Variants in ACIN1 observed in about 807,000 individuals in gnomAD.
The protein encoded by ACIN1 is apoptotic chromatin condensation inducer 1.
Under a neutral mutation model 146.6 loss-of-function variants are expected in ACIN1, and 16 were observed. The ratio of observed to expected loss-of-function variants is 0.11; its 90% confidence interval spans 0.07 to 0.17. The LOEUF is 0.17. ACIN1 is among the 10% of genes least tolerant of loss of function. The pLI, the probability that ACIN1 is intolerant of heterozygous loss-of-function variation, is 1.00. For synonymous variants in ACIN1, 569 were observed against 582.7 expected (o/e 0.98, Z 0.34); for missense variants, 1,357 against 1,609.3 (o/e 0.84, Z 2.68).
Position 23,061,294 on chromosome 14 carries a change from C to T in ACIN1, c.3424+4G>A, listed in dbSNP as rs930201027. The T allele has an allele frequency of 6.2e-7, 1 of 1,613,616 alleles. No individual in the cohort carries two copies. Among genetic ancestry groups the T allele is most frequent in the African/African-American group, 1.3e-5 (1 of 74,890 alleles). Reference sequence around the variant, plus strand: ...GTATGCGTACCCCATAGCTAAGTACCTACCTTTCTTCTCACTCTTCTTTTC... The same window carrying T: ...GTATGCGTACCCCATAGCTAAGTACTTACCTTTCTTCTCACTCTTCTTTTC... On this transcript the variant is annotated splice_donor_region_variant and intron_variant, in intron 17 of 18. Transcript: ENST00000605057.
chr14:23,085,232 T>G (rs149002355), intron 4 of ACIN1, among the ~76,000 whole-genome samples: 5,521 of 151,722 alleles, frequency 0.036, 285 homozygotes, highest in African/African-American at 0.12. Context: ...CTACTTGGGA[T>G]GCTGAGGCAG....
intron 6 of ACIN1, 38 bp downstream of exon 6, chr14:23,079,509 A>G (rs1355338978): frequency 1.9e-6 from 3 of 1,601,196 alleles, no homozygotes; most frequent in South Asian, 2.2e-5. Context: ...CTGGAATATG[A>G]CAGAACATTA....
At chr14:23,066,595 T>G (rs1041707802) in intron 9 of ACIN1, 1 of 152,118 alleles carries the variant, frequency 6.6e-6, no homozygotes, top group Admixed American at 6.5e-5. Context: ...CCCACCACAC[T>G]GTGGAAAAGG....
chr14:23,059,377 T>G lies in ACIN1; in HGVS notation c.3623A>C (p.Glu1208Ala), dbSNP rs1309946399. Residue 1208 changes from glutamate to alanine, a missense_variant, in exon 19 of 19, where the codon GAA becomes GCA. Glu to Ala is a moderately radical substitution (Grantham distance 107). Coordinates refer to ENST00000605057, the MANE Select transcript of ACIN1 (RefSeq NM_001386863.1). ...EEEEQKEREK[E>A]AERERNRQLE... ...CTGTCGGTTCCGTTCCCGCTCGGCT[T>G]CCTTCTCCCGCTCCTTTTGCTCTTC... is the stretch of plus-strand genomic sequence containing the variant. 1.2e-6 allele frequency: 2 copies of G among 1,613,726 alleles called. No homozygotes were observed. Among genetic ancestry groups the G allele is most frequent in the Non-Finnish European group, 1.7e-6 (2 of 1,179,830 alleles).
chr14:23,070,765 CT>C (rs1326773205), intron 8 of ACIN1, among the ~76,000 whole-genome samples: 1 of 142,152 alleles, frequency 7.0e-6, no homozygotes, highest in Middle Eastern at 3.2e-3. Flanking sequence ...AACAGGCTGA[CT>C]GACTGACACT....
chr14:23,069,648 G>GGGGGGGGGGGGGGGGGGGGGC, intron 8 of ACIN1, 31 bp from the exon 9 acceptor site: 1 of 589,384 alleles, frequency 1.7e-6, no homozygotes, highest in African/African-American at 1.9e-5. Context: ...TGGTGGGGGG[G>GGGGGGGGGGGGGGGGGGGGGC]CGGGCAGAAA....
intron 8 of ACIN1, 53 bp downstream of exon 8, chr14:23,078,098 C>CTA: frequency 1.3e-6 from 2 of 1,542,422 alleles, no homozygotes; most frequent in Non-Finnish European, 1.8e-6. Flanking sequence ...GAGCGAAGAA[C>CTA]TATCGCACAC....
chr14:23,069,618 C>T lies in ACIN1; in HGVS notation c.2124-1G>A. The T allele has an allele frequency of 6.6e-7, 1 of 1,516,078 alleles. No homozygotes were observed. Among genetic ancestry groups the T allele is most frequent in the Admixed American group, 1.8e-5 (1 of 55,846 alleles). 93.9% of individuals were successfully genotyped at this position (1,516,078 alleles called of 1,614,324 possible). Reference sequence around the variant, plus strand: ...CATGGTCACTTCCTCCTTCTCCTCACTGACAGGAGGGGGGAGTGGTGGTGG... The same window carrying T: ...CATGGTCACTTCCTCCTTCTCCTCATTGACAGGAGGGGGGAGTGGTGGTGG... On this transcript the variant is annotated splice_acceptor_variant, in intron 8 of 18. Coordinates refer to ENST00000605057, the MANE Select transcript of ACIN1 (RefSeq NM_001386863.1). LOFTEE classifies it high-confidence loss of function.
intron 4 of ACIN1, among the ~76,000 whole-genome samples, chr14:23,083,840 G>A (rs2048015006): frequency 6.6e-6 from 1 of 152,192 alleles, no homozygotes. Flanking sequence ...CAGCTAGATT[G>A]GACTCAATGT....
intron 14 of ACIN1, 59 bp from the exon 15 acceptor site, chr14:23,062,582 T>C (rs1594742701): frequency 6.8e-7 from 1 of 1,478,852 alleles, no homozygotes; most frequent in East Asian, 2.3e-5. Flanking sequence ...ACCCAATCTT[T>C]AGATTTCCCG....
intron 8 of ACIN1, among the ~76,000 whole-genome samples, chr14:23,073,222 T>C (rs2047710190): frequency 6.6e-6 from 1 of 152,238 alleles, no homozygotes; most frequent in Non-Finnish European, 1.5e-5. Flanking sequence ...CCCCCATCTC[T>C]ACCCTGCATA....
chr14:23,080,217 T>C lies in ACIN1; in HGVS notation c.1118A>G (p.Gln373Arg), dbSNP rs1161883140. 2 of 1,614,044 alleles carry C rather than the reference T, an allele frequency of 1.2e-6. No individual in the cohort carries two copies. Among genetic ancestry groups the C allele is most frequent in the African/African-American group, 2.7e-5 (2 of 74,922 alleles). ...CTCTATTTCTTCTTCGCTATGGAGC[T>C]GTGGATGAGGTGGTGGAGAAGATGC... ...KEASSPPPHP[Q>R]LHSEEEIEPM... The change falls in exon 6 of 19, where the codon CAG becomes CGG. Residue 373 changes from glutamine (Q) to arginine (R), a missense_variant. Coordinates refer to ENST00000605057, the MANE Select transcript of ACIN1 (RefSeq NM_001386863.1).
chr14:23,059,151 G>C lies in ACIN1; in HGVS notation c.3849C>G (p.Arg1283=). Residue 1283 remains arginine (R), a synonymous_variant, in exon 19 of 19, where the codon CGC becomes CGG. Coordinates refer to ENST00000605057, the MANE Select transcript of ACIN1 (RefSeq NM_001386863.1). The stretch of plus-strand genomic sequence containing the variant: ...TGCAGCTCTAGTGTTTTCCCAGCTA[G>C]CGGCGCCCACCCCGGTCCCGCACAG... ...STPVRDRGGR[R] 1.2e-6 allele frequency: 2 copies of C among 1,613,092 alleles called. No homozygotes were observed. Among genetic ancestry groups the C allele is most frequent in the Non-Finnish European group, 1.7e-6 (2 of 1,179,422 alleles).
chr14:23,065,051 A>G (rs1220237206), intron 10 of ACIN1, among the ~76,000 whole-genome samples: 2 of 152,224 alleles, frequency 1.3e-5, no homozygotes, highest in Non-Finnish European at 2.9e-5. Flanking sequence ...GTGTGGAAGA[A>G]AAACTGAGAA....
intron 1 of ACIN1, chr14:23,094,720 A>C: frequency 1.5e-6 from 1 of 654,904 alleles, no homozygotes; most frequent in Non-Finnish European, 2.4e-6. Flanking sequence ...GGAAGGAGGA[A>C]GGAGCTTAAG....
rs2047273870 is a variant in ACIN1 at position 23,061,373 on chromosome 14, G to A, written c.3349C>T (p.Arg1117Cys). 6 of 1,613,994 alleles carry A rather than the reference G, an allele frequency of 3.7e-6. No homozygotes were observed. The highest frequency in any genetic ancestry group is 2.5e-6 in the Non-Finnish European group (3 of 1,180,028). The change falls in exon 17 of 19, where the codon CGT becomes TGT. Residue 1117 changes from arginine to cysteine, a missense_variant. Physicochemically the swap from Arg to Cys is radical, Grantham distance 180 (BLOSUM62 -3). Around this residue, in one of 4 missense-constraint regions of ACIN1, gnomAD observed 509 missense variants for 719.6 expected, o/e 0.71. Coordinates refer to ENST00000605057, the MANE Select transcript of ACIN1 (RefSeq NM_001386863.1). The stretch of plus-strand genomic sequence containing the variant: ...CGGTCACGGGACCTTGATCGGGAAC[G>A]GGGCCCTTCTCGAACTTTGTCCCGA... ...WDRDKVREGP[R>C]SRSRSRDRRR...
chr14:23,094,389 A>G, intron 1 of ACIN1: 11 of 785,292 alleles, frequency 1.4e-5, no homozygotes, highest in Non-Finnish European at 1.5e-5. Context: ...TCTCTCACCA[A>G]TATTCACCAA....
intron 4 of ACIN1, among the ~76,000 whole-genome samples, chr14:23,085,475 T>C (rs1268233776): frequency 6.6e-6 from 1 of 152,246 alleles, no homozygotes; most frequent in African/African-American, 2.4e-5. Context: ...AATGTTATTT[T>C]TGATACTGTA....
intron 4 of ACIN1, among the ~76,000 whole-genome samples, chr14:23,082,437 ATTTTTTTTT>A (rs11378976): frequency 3.1e-5 from 3 of 95,818 alleles, no homozygotes; most frequent in East Asian, 3.1e-4. Flanking sequence ...AGAGCTCAAT[ATTTTTTTTT>A]TTTTTTTTTT....
Sources: gnomAD v4.1 joint callset for allele counts (sites outside exome capture counted in the v4.1 genomes callset) on GRCh38, gnomAD v4.1.1 for gene constraint, gnomAD v4.1.1 regional missense constraint, MANE v1.5 for transcripts, NCBI Gene and HGNC (gene_info 2026-07-23, HGNC 2026-07-21) for gene names.